The following CACNA1D variants were observed in gnomAD, a reference collection of about 807,000 sequenced individuals.
CACNA1D encodes voltage-dependent L-type calcium channel subunit alpha-1D.
A neutral mutation model predicts 257.1 loss-of-function variants in CACNA1D; 55 were observed. The observed-to-expected ratio is 0.21, with a 90% CI of 0.17 to 0.27. The LOEUF is 0.27. Ranked by LOEUF, CACNA1D falls within the 10% of genes least tolerant of loss-of-function variation. The pLI, the probability that CACNA1D is intolerant of heterozygous loss-of-function variation, is 1.00. For missense variants in CACNA1D, 1,876 were observed against 2,784.0 expected (o/e 0.67, Z 7.34); for synonymous variants, 980 against 1,014.9 (o/e 0.97, Z 0.65).
rs2095243470 is a variant in CACNA1D, at chr3:53,753,580, G to A, written c.3684G>A (p.Glu1228=). 4 of 1,601,644 alleles carry A rather than the reference G, an allele frequency of 2.5e-6. No homozygotes were observed. The highest frequency in any genetic ancestry group is 2.7e-5 in the African/African-American group (2 of 74,678). ...TCTGTCTTCATCCATAGCACTACGA[G>A]CAGTCCAAGATGTTCAATGATGCCA... is the stretch of plus-strand genomic sequence containing the variant. The part of the protein sequence containing the change: ...NTLCLAMQHY[E]QSKMFNDAMD... The change falls in exon 29 of 48, where the codon GAG becomes GAA. Residue 1228 remains glutamate (E), a synonymous_variant. Transcript: ENST00000350061.
intron 40 of CACNA1D, among the ~76,000 whole-genome samples, chr3:53,795,317 G>A (rs975453052): frequency 2.0e-5 from 3 of 152,222 alleles, no homozygotes; most frequent in African/African-American, 7.2e-5. Flanking sequence ...GCCTTGATCA[G>A]GTGGCACCCC....
chr3:53,606,434 C>T (rs930132710), intron 3 of CACNA1D, among the ~76,000 whole-genome samples: 1 of 152,182 alleles, frequency 6.6e-6, no homozygotes, highest in East Asian at 1.9e-4. Context: ...TGGTGAACTA[C>T]GTTTAACTAC....
chr3:53,666,487 T>G lies in CACNA1D; in HGVS notation c.1068T>G (p.Thr356=). The G allele has an allele frequency of 6.2e-7, 1 of 1,614,232 alleles. No individual in the cohort carries two copies. The highest frequency in any genetic ancestry group is 8.5e-7 in the Non-Finnish European group (1 of 1,180,040). Residue 356 remains threonine (T), a synonymous_variant, in exon 7 of 48, where the codon ACT becomes ACG. Transcript: ENST00000350061. ...ATAACTTTGCCTTTGCCATGCTTAC[T>G]GTGTTTCAGTGCATCACCATGGAGG... ...NFDNFAFAML[T]VFQCITMEGW...
chr3:53,614,044 G>A (rs1265677856), intron 3 of CACNA1D, among the ~76,000 whole-genome samples: 2 of 149,316 alleles, frequency 1.3e-5, no homozygotes, highest in Non-Finnish European at 2.9e-5. Context: ...TGTAGTGCCA[G>A]CTACTAGGAG....
Position 53,651,371 on chromosome 3 carries a change from T to TTTC in CACNA1D, c.623+455_623+456insCTT, listed in dbSNP as rs1553623482. The stretch of plus-strand genomic sequence containing the variant: ...TGAGCAAAGCTATTAATTTTCTTTT[T>TTTC]TTTTTTTTTTTTTTTTTGCTGACTT... On this transcript the variant is annotated intron_variant, in intron 4 of 47. Coordinates refer to ENST00000350061, the MANE Select transcript of CACNA1D (RefSeq NM_001128840.3). Among the ~76,000 whole-genome samples, 18 of 128,514 alleles carry TTTC rather than the reference T, an allele frequency of 1.4e-4. No individual in the cohort carries two copies. In the South Asian group the frequency reaches 3.1e-3, roughly 22 times the overall value. The allele number at this position is 128,514 out of a possible 152,430, so 84.3% of individuals were successfully genotyped here. A position where few individuals can be genotyped will look rare whatever the true frequency, so the allele number is the denominator to read the frequency against.
intron 3 of CACNA1D, among the ~76,000 whole-genome samples, chr3:53,510,638 A>T (rs941201018): frequency 1.3e-5 from 2 of 152,210 alleles, no homozygotes; most frequent in African/African-American, 4.8e-5. Flanking sequence ...TTATTGCCAC[A>T]TCATTCTTCA....
At chr3:53,688,112 A>G (rs2094489148) in intron 8 of CACNA1D, among the ~76,000 whole-genome samples, 1 of 152,256 alleles carries the variant, frequency 6.6e-6, no homozygotes, top group Non-Finnish European at 1.5e-5. Flanking sequence ...ATCTATGTCT[A>G]CAAAATGACT....
intron 40 of CACNA1D, 136 bp downstream of exon 40, chr3:53,787,088 C>A: frequency 2.3e-6 from 2 of 879,282 alleles, no homozygotes; most frequent in South Asian, 1.6e-5. Flanking sequence ...ACACACTCCC[C>A]CAAATGTGGA....
intron 3 of CACNA1D, among the ~76,000 whole-genome samples, chr3:53,544,590 A>T (rs2092372463): frequency 6.6e-6 from 1 of 152,242 alleles, no homozygotes; most frequent in Non-Finnish European, 1.5e-5. Flanking sequence ...TTGCCTGGTG[A>T]TTGGTGGGAG....
chr3:53,677,151 AGGCTGGTT>A (rs955491766), intron 8 of CACNA1D, among the ~76,000 whole-genome samples: 17 of 152,226 alleles, frequency 1.1e-4, no homozygotes, highest in African/African-American at 3.6e-4. Context: ...CATGGGTGGT[AGGCTGGTT>A]GGCTCTGCCT....
intron 2 of CACNA1D, among the ~76,000 whole-genome samples, chr3:53,501,109 CTTGGCCTGGCCCAGTCCA>C (rs2090581911): frequency 6.6e-6 from 1 of 152,168 alleles, no homozygotes; most frequent in Admixed American, 6.5e-5. Flanking sequence ...GTCCTGGTGG[CTTGGCCTGGCCCAGTCCA>C]GACAGGCGAT....
chr3:53,518,045 G>A (rs1207549085), intron 3 of CACNA1D, among the ~76,000 whole-genome samples: 1 of 152,178 alleles, frequency 6.6e-6, no homozygotes, highest in Non-Finnish European at 1.5e-5. Context: ...AATGGATTTG[G>A]TCACACCACT....
At chr3:53,692,417 G>A (rs2094536921) in intron 8 of CACNA1D, among the ~76,000 whole-genome samples, 1 of 152,156 alleles carries the variant, frequency 6.6e-6, no homozygotes, top group Non-Finnish European at 1.5e-5. Flanking sequence ...TGTTGAAAGA[G>A]CTCCATGCCT....
At chr3:53,566,030 A>G (rs531295844) in intron 3 of CACNA1D, among the ~76,000 whole-genome samples, 3 of 152,332 alleles carry the variant, frequency 2.0e-5, no homozygotes, top group South Asian at 4.2e-4. Context: ...TTCAAGTAAC[A>G]TCAGTTCTCT....
rs749828469 is a variant in CACNA1D at position 53,747,392 on chromosome 3, C to T, written c.3258C>T (p.Asn1086=). 9 of 1,614,136 alleles carry T rather than the reference C, an allele frequency of 5.6e-6. No homozygotes were observed. The highest frequency in any genetic ancestry group is 4.5e-5 in the East Asian group (2 of 44,892). ...IWQNSDFNFD[N]VLSAMMALFT... is the part of the protein sequence containing the mutation. ...AAAACAGTGATTTCAACTTCGACAA[C>T]GTCCTCTCTGCTATGATGGCGCTCT... is the stretch of plus-strand genomic sequence containing the variant. The change falls in exon 26 of 48, where the codon AAC becomes AAT. Residue 1086 remains asparagine, a synonymous_variant. Coordinates refer to ENST00000350061, the MANE Select transcript of CACNA1D (RefSeq NM_001128840.3).
intron 20 of CACNA1D, among the ~76,000 whole-genome samples, chr3:53,738,356 T>C (rs1323587551): frequency 2.0e-5 from 3 of 152,270 alleles, no homozygotes; most frequent in Admixed American, 6.5e-5. Context: ...TTAGTGTCAA[T>C]ATAAAGAGGA....
chr3:53,692,967 A>G (rs925338021), intron 8 of CACNA1D, among the ~76,000 whole-genome samples: 1 of 152,208 alleles, frequency 6.6e-6, no homozygotes, highest in South Asian at 2.1e-4. Context: ...CTGAGGCACA[A>G]GAATTGCTTG....
At chr3:53,549,011 G>T (rs1344638217) in intron 3 of CACNA1D, among the ~76,000 whole-genome samples, 1 of 152,160 alleles carries the variant, frequency 6.6e-6, no homozygotes, top group Non-Finnish European at 1.5e-5. Flanking sequence ...AGTAACAGAA[G>T]AGTTAAAAAA....
At chr3:53,712,842 G>T (rs1380460312) in intron 9 of CACNA1D, among the ~76,000 whole-genome samples, 1 of 152,198 alleles carries the variant, frequency 6.6e-6, no homozygotes, top group Non-Finnish European at 1.5e-5. Flanking sequence ...TGAGGCCAAA[G>T]ACATCTGTGA....
Sources: gnomAD v4.1 joint callset for allele counts (sites outside exome capture counted in the v4.1 genomes callset) on GRCh38, gnomAD v4.1.1 for gene constraint, MANE v1.5 for transcripts, NCBI Gene and HGNC (gene_info 2026-07-23, HGNC 2026-07-21) for gene names.